CORO2B: variants seen among roughly 807,000 people sequenced by gnomAD.
CORO2B encodes coronin-2B.
In CORO2B, 26 loss-of-function variants were observed where a neutral mutation model predicts 58.8. The ratio of observed to expected loss-of-function variants is 0.44; its 90% confidence interval spans 0.32 to 0.61. The LOEUF (loss-of-function observed/expected upper bound fraction) is 0.61. CORO2B is among the 20% of genes least tolerant of loss of function. The pLI, the probability that CORO2B is intolerant of heterozygous loss-of-function variation, is 0.04. For missense variants in CORO2B, 460 were observed against 645.1 expected (o/e 0.71, Z 3.11); for synonymous variants, 242 against 253.8 (o/e 0.95, Z 0.44).
chr15:68,578,195 A>G (rs1300887783), upstream of CORO2B, among the ~76,000 whole-genome samples: 2 of 152,128 alleles, frequency 1.3e-5, no homozygotes, highest in Non-Finnish European at 2.9e-5. This position sits in a 1 kb window ranked among gnomAD's most constrained non-coding sequence, Gnocchi z 4.2. Flanking sequence ...CACAGGACGC[A>G]CCTGTGTTAT....
intron 3 of CORO2B, among the ~76,000 whole-genome samples, chr15:68,701,779 C>T (rs1449405107): frequency 2.0e-5 from 3 of 152,080 alleles, no homozygotes; most frequent in Non-Finnish European, 2.9e-5. Flanking sequence ...CCACTGCACC[C>T]GGCCTAGGAC....
At chr15:68,519,208 C>G in the CORO2B span, among the ~76,000 whole-genome samples, 1 of 152,134 alleles carries the variant, frequency 6.6e-6, no homozygotes, top group Non-Finnish European at 1.5e-5. Flanking sequence ...AAAATGTGGC[C>G]AGGACAGACA....
At chr15:68,696,309 G>A (rs62004271) in intron 3 of CORO2B, among the ~76,000 whole-genome samples, 2,773 of 151,646 alleles carry the variant, frequency 0.018, 54 homozygotes, top group Middle Eastern at 0.045. Context: ...AGCACTTCGG[G>A]AGGCTGAGGC....
At chr15:68,589,494 G>A (rs1899646097) in intron 1 of CORO2B, among the ~76,000 whole-genome samples, 4 of 152,218 alleles carry the variant, frequency 2.6e-5, no homozygotes, top group Non-Finnish European at 1.5e-5. Context: ...GCTACAGCCG[G>A]AAGGGACTTT....
chr15:68,533,388 T>G, the CORO2B span, among the ~76,000 whole-genome samples: 15 of 152,290 alleles, frequency 9.8e-5, no homozygotes, highest in African/African-American at 3.6e-4. Flanking sequence ...GGAGCAGAGA[T>G]GGATTAAAAG....
the CORO2B span, among the ~76,000 whole-genome samples, chr15:68,545,231 T>G: frequency 6.6e-6 from 1 of 152,226 alleles, no homozygotes; most frequent in Non-Finnish European, 1.5e-5. Flanking sequence ...CCATGGAGTC[T>G]TCACGACTTT....
the CORO2B span, among the ~76,000 whole-genome samples, chr15:68,571,015 A>G: frequency 6.6e-6 from 1 of 152,088 alleles, no homozygotes; most frequent in African/African-American, 2.4e-5. Context: ...GTTCTTTTGG[A>G]AGAAAGTGCG....
rs1227818353 is a variant in CORO2B, at chr15:68,639,991, T to C, written c.16-5169T>C. Reference sequence around the variant, plus strand: ...TTGGCCGCCCCCACCGATTTCCCTTTGAGGTCTGGGCACCTCCCCCGGTTA... The same window carrying C: ...TTGGCCGCCCCCACCGATTTCCCTTCGAGGTCTGGGCACCTCCCCCGGTTA... On this transcript the variant is annotated intron_variant, in intron 1 of 11. Transcript: ENST00000261861. 2.0e-5 allele frequency among the ~76,000 whole-genome samples: 3 copies of C among 152,316 alleles called. No individual in the cohort carries two copies. In the East Asian group the frequency reaches 5.8e-4, roughly 29 times the overall value.
At chr15:68,595,576 T>C (rs1899805705) in intron 1 of CORO2B, among the ~76,000 whole-genome samples, 1 of 152,184 alleles carries the variant, frequency 6.6e-6, no homozygotes, top group Non-Finnish European at 1.5e-5. Context: ...TGGGTTCTGT[T>C]CTCAGCTCTG....
chr15:68,577,776 G>C (rs1899316537), upstream of CORO2B, among the ~76,000 whole-genome samples: 1 of 151,288 alleles, frequency 6.6e-6, no homozygotes. Context: ...GCACTTCCTG[G>C]AGGCTGGTTA....
intron 8 of CORO2B, among the ~76,000 whole-genome samples, chr15:68,717,236 C>G (rs1893052825): frequency 6.6e-6 from 1 of 151,886 alleles, no homozygotes; most frequent in Admixed American, 6.6e-5. Context: ...ATCGCTTGAA[C>G]CCGGGAGGCA....
intron 2 of CORO2B, among the ~76,000 whole-genome samples, chr15:68,663,977 C>A (rs1331704171): frequency 4.6e-5 from 7 of 152,158 alleles, no homozygotes; most frequent in Non-Finnish European, 1.0e-4. Context: ...TGTACATCCA[C>A]CAGAAAGGCC....
chr15:68,599,114 G>A (rs188813395), intron 1 of CORO2B, among the ~76,000 whole-genome samples: 4 of 152,268 alleles, frequency 2.6e-5, no homozygotes, highest in South Asian at 2.1e-4. Flanking sequence ...GACACTGGTC[G>A]GCTTGCTGCC....
intron 2 of CORO2B, among the ~76,000 whole-genome samples, chr15:68,658,752 A>G (rs1005425278): frequency 6.6e-6 from 1 of 152,218 alleles, no homozygotes; most frequent in Non-Finnish European, 1.5e-5. Flanking sequence ...TAGATAAAGT[A>G]CCCCAGCTCA....
chr15:68,688,912 G>A (rs1892288748), intron 2 of CORO2B, among the ~76,000 whole-genome samples: 1 of 152,096 alleles, frequency 6.6e-6, no homozygotes, highest in Non-Finnish European at 1.5e-5. Context: ...ACTCATCCTG[G>A]AGCAGGGCGT....
the CORO2B span, among the ~76,000 whole-genome samples, chr15:68,560,252 CTTTTTTCTTTTTCGTTCTT>C: frequency 4.6e-5 from 7 of 151,832 alleles, no homozygotes. Context: ...CTTTCTCTTT[CTTTTTTCTTTTTCGTTCTT>C]TTTTTTCTTT....
the CORO2B span, among the ~76,000 whole-genome samples, chr15:68,545,104 C>A: frequency 1.1e-4 from 16 of 152,092 alleles, no homozygotes; most frequent in Non-Finnish European, 1.0e-4. Context: ...GGGTGGGAAT[C>A]GGTGTCCATA....
chr15:68,616,123 C>CA (rs1388797478), intron 1 of CORO2B, among the ~76,000 whole-genome samples: 1 of 152,136 alleles, frequency 6.6e-6, no homozygotes, highest in Non-Finnish European at 1.5e-5. Flanking sequence ...AGTAATTGCC[C>CA]AAGGACTGAC....
At chr15:68,584,752 A>G (rs1424830917) in intron 1 of CORO2B, among the ~76,000 whole-genome samples, 2 of 152,024 alleles carry the variant, frequency 1.3e-5, no homozygotes, top group Non-Finnish European at 2.9e-5. Context: ...TTGGGTTCCC[A>G]TTCCTTCCCC....
Sources: gnomAD v4.1 joint callset for allele counts (sites outside exome capture counted in the v4.1 genomes callset) on GRCh38, gnomAD v4.1.1 for gene constraint, Gnocchi (gnomAD v3.1) non-coding constraint, MANE v1.5 for transcripts, NCBI Gene and HGNC (gene_info 2026-07-23, HGNC 2026-07-21) for gene names.